Variants in ZMYM2 observed in about 807,000 individuals in gnomAD.
ZMYM2 encodes zinc finger MYM-type containing 2, also known as zinc finger MYM-type protein 2.
A neutral mutation model predicts 162.8 loss-of-function variants in ZMYM2; 56 were observed. The observed-to-expected ratio is 0.34, with a 90% confidence interval of 0.28 to 0.43. The LOEUF (loss-of-function observed/expected upper bound fraction) is 0.43, where lower values mean the gene tolerates loss of function less well. ZMYM2 is among the 20% of genes least tolerant of loss of function. The pLI is 1.00. For missense variants in ZMYM2, 1,275 were observed against 1,621.8 expected (o/e 0.79, Z 3.67); for synonymous variants, 510 against 541.6 (o/e 0.94, Z 0.81).
At chr13:19,976,432 A>G (rs887512683) in intron 2 of ZMYM2, among the ~76,000 whole-genome samples, 1 of 152,088 alleles carries the variant, frequency 6.6e-6, no homozygotes, top group South Asian at 2.1e-4. Context: ...AAAACAACAT[A>G]AAATTTACTA....
Position 20,064,531 on chromosome 13 carries a change from C to A in ZMYM2, c.3118C>A (p.Arg1040=). The A allele has an allele frequency of 6.4e-7, 1 of 1,572,716 alleles. No homozygotes were observed. The highest frequency in any genetic ancestry group is 2.3e-5 in the East Asian group (1 of 43,642). ...AGAATATGAGGAACAGCCCAGACCT[C>A]GATCTAAAAAAAAGGTACATTCACT... ...GEEYEEQPRP[R]SKKKGAKRKA... The change falls in exon 19 of 25, where the codon CGA becomes AGA. Residue 1040 remains arginine (R), a synonymous_variant. Transcript: ENST00000610343.
chr13:20,067,329 G>A lies in ZMYM2; in HGVS notation c.3392G>A (p.Arg1131Gln). The A allele has an allele frequency of 1.2e-6, 2 of 1,609,812 alleles. No homozygotes were observed. The highest frequency in any genetic ancestry group is 8.5e-7 in the Non-Finnish European group (1 of 1,177,976). The change falls in exon 21 of 25, where the codon CGG becomes CAG. Residue 1131 changes from arginine to glutamine, a missense_variant. Coordinates refer to ENST00000610343, the MANE Select transcript of ZMYM2 (RefSeq NM_197968.4). ...GLAHFVNEIR[R>Q]PNGENYAPDS... ...GCTCATTTTGTCAATGAGATCCGAC[G>A]GCCAAATGGAGAGAATTATGCACCT...
At chr13:19,921,811 A>G in the ZMYM2 span, among the ~76,000 whole-genome samples, 1 of 152,204 alleles carries the variant, frequency 6.6e-6, no homozygotes, top group African/African-American at 2.4e-5. Flanking sequence ...CAAAATTAAT[A>G]TAAGTGGAGA....
At chr13:19,872,070 G>A in the ZMYM2 span, among the ~76,000 whole-genome samples, 15 of 151,658 alleles carry the variant, frequency 9.9e-5, no homozygotes, top group Non-Finnish European at 1.5e-4. Flanking sequence ...CCTGGGTTCA[G>A]GTGATCCTCC....
the ZMYM2 span, among the ~76,000 whole-genome samples, chr13:19,907,297 A>C: frequency 6.6e-6 from 1 of 152,200 alleles, no homozygotes; most frequent in Non-Finnish European, 1.5e-5. Context: ...TTATCCGGAC[A>C]ATAAAAGAAA....
At chr13:19,922,544 A>G in the ZMYM2 span, among the ~76,000 whole-genome samples, 2 of 152,068 alleles carry the variant, frequency 1.3e-5, no homozygotes, top group African/African-American at 4.8e-5. Context: ...TTTTTTCTCC[A>G]TATGAAAAGC....
chr13:20,001,466 A>G (rs781362422), intron 3 of ZMYM2, among the ~76,000 whole-genome samples: 13 of 152,002 alleles, frequency 8.6e-5, no homozygotes, highest in Non-Finnish European at 1.8e-4. Context: ...AAACTTGCAC[A>G]GATGAGGAGT....
At chr13:19,932,861 G>A in the ZMYM2 span, among the ~76,000 whole-genome samples, 1 of 151,812 alleles carries the variant, frequency 6.6e-6, no homozygotes, top group Non-Finnish European at 1.5e-5. Context: ...TGGTGTTTTT[G>A]TTTGTTTGTT....
In ZMYM2 at chr13:20,087,286, CTT is replaced by C. The variant is rs1257286975; in HGVS notation, c.*1274_*1275del. Reference sequence around the variant, plus strand: ...AAGATTGCATTAAAAAAAAAAACAACTTTGTGCTTCTGCATAGCAATTTATCC... The same window carrying C: ...AAGATTGCATTAAAAAAAAAAACAACTGTGCTTCTGCATAGCAATTTATCC... On this transcript the variant is annotated 3_prime_UTR_variant, in exon 25 of 25. Transcript: ENST00000610343. 1 of 185,760 alleles carries C rather than the reference CTT, an allele frequency of 5.4e-6. No individual in the cohort carries two copies. The highest frequency in any genetic ancestry group is 1.1e-5 in the Non-Finnish European group (1 of 87,904). 11.5% of individuals were successfully genotyped at this position (185,760 alleles called of 1,614,324 possible). A position where few individuals can be genotyped will look rare whatever the true frequency, so the allele number is the denominator to read the frequency against.
At chr13:19,866,354 A>G in the ZMYM2 span, among the ~76,000 whole-genome samples, 1 of 152,188 alleles carries the variant, frequency 6.6e-6, no homozygotes, top group African/African-American at 2.4e-5. Flanking sequence ...ATTCCCAATC[A>G]GCACAGTGGT....
rs1956453623 is a variant in ZMYM2 at position 19,972,941 on chromosome 13, T to C, written c.-11+12915T>C. On this transcript the variant is annotated intron_variant, in intron 2 of 24. Coordinates refer to ENST00000610343, the MANE Select transcript of ZMYM2 (RefSeq NM_197968.4). ...GATATATATATGTATATATGTTTTT[T>C]TGTTTTTTTTTTGAGATGGAGTCTC... Among the ~76,000 whole-genome samples the C allele has an allele frequency of 2.0e-5, 3 of 147,542 alleles. No individual in the cohort carries two copies. In the South Asian group the frequency reaches 6.4e-4, roughly 31 times the overall value.
chr13:19,876,371 G>A, the ZMYM2 span, among the ~76,000 whole-genome samples: 1 of 151,400 alleles, frequency 6.6e-6, no homozygotes, highest in Non-Finnish European at 1.5e-5. Context: ...CACCCAGGCC[G>A]GAATGCAGTG....
chr13:20,003,047 G>A lies in ZMYM2; in HGVS notation c.1045G>A (p.Gly349Arg), dbSNP rs1422617837. Reference sequence around the variant, plus strand: ...GGGCCAGACAGCTTATCAACGAAAAGGATCAGCTCACCTCTTTTGTTCTAC... The same window carrying A: ...GGGCCAGACAGCTTATCAACGAAAAAGATCAGCTCACCTCTTTTGTTCTAC... ...QKGQTAYQRKGSAHLFCSTTC... is the reference protein window; with the variant it reads ...QKGQTAYQRKRSAHLFCSTTC... Residue 349 changes from glycine (G) to arginine (R), a missense_variant, in exon 4 of 25, where the codon GGA (glycine) becomes AGA (arginine). Gly to Arg is a moderately radical substitution (Grantham distance 125). This residue lies in a region of ZMYM2 where 115 missense variants were observed against 175.3 expected (regional missense o/e 0.66). Coordinates refer to ENST00000610343, the MANE Select transcript of ZMYM2 (RefSeq NM_197968.4). 1 of 1,614,134 alleles carries A rather than the reference G, an allele frequency of 6.2e-7. No homozygotes were observed. Among genetic ancestry groups the A allele is most frequent in the Non-Finnish European group, 8.5e-7 (1 of 1,180,002 alleles).
intron 2 of ZMYM2, among the ~76,000 whole-genome samples, chr13:19,966,201 C>T (rs1462704550): frequency 2.6e-5 from 4 of 151,098 alleles, no homozygotes; most frequent in African/African-American, 7.3e-5. Context: ...ATGGTGCAAT[C>T]TCGGCTCAAC....
chr13:19,956,756 A>T (rs1209190925), upstream of ZMYM2, among the ~76,000 whole-genome samples: 1 of 152,228 alleles, frequency 6.6e-6, no homozygotes, highest in Non-Finnish European at 1.5e-5. Context: ...CTTATTTGGA[A>T]GTATTAGTCT....
chr13:20,032,011 C>T (rs1325958436), intron 10 of ZMYM2, among the ~76,000 whole-genome samples: 1 of 151,852 alleles, frequency 6.6e-6, no homozygotes, highest in Admixed American at 6.6e-5. Flanking sequence ...GCTGGGAATA[C>T]GGGTGGGCAC....
rs778414186 is a variant in ZMYM2, at chr13:20,061,218, A to G, written c.2905A>G (p.Ile969Val). 18 of 1,613,502 alleles carry G rather than the reference A, an allele frequency of 1.1e-5. No homozygotes were observed. The highest frequency in any genetic ancestry group is 1.4e-5 in the Non-Finnish European group (17 of 1,179,764). Residue 969 changes from isoleucine (I) to valine (V), a missense_variant, in exon 17 of 25, where the codon ATC (isoleucine) becomes GTC (valine). Ile to Val is a conservative substitution (Grantham distance 29). Transcript: ENST00000610343. ...CGAGGGGAAAACAGAGACAACCAAC[A>G]TCAACAGTGAGCTACACTAAATTAT... ...EDEGKTETTNINSVIIETDII... is the reference protein window; with the variant it reads ...EDEGKTETTNVNSVIIETDII...
At chr13:20,036,988 A>C in intron 12 of ZMYM2, 79 bp downstream of exon 12, 1 of 1,351,968 alleles carries the variant, frequency 7.4e-7, no homozygotes, top group Non-Finnish European at 9.8e-7. Context: ...CAAATCTGGC[A>C]ACTCATTTAT....
At chr13:20,031,706 A>G (rs1208248210) in intron 10 of ZMYM2, among the ~76,000 whole-genome samples, 1 of 152,220 alleles carries the variant, frequency 6.6e-6, no homozygotes, top group East Asian at 1.9e-4. Flanking sequence ...TTGTTTAGCT[A>G]CGTACCTAGA....
Sources: gnomAD v4.1 joint callset for allele counts (sites outside exome capture counted in the v4.1 genomes callset) on GRCh38, gnomAD v4.1.1 for gene constraint, gnomAD v4.1.1 regional missense constraint, MANE v1.5 for transcripts, NCBI Gene and HGNC (gene_info 2026-07-23, HGNC 2026-07-21) for gene names.